DNAH10: variants seen among roughly 807,000 people sequenced by gnomAD.
DNAH10 encodes the protein dynein axonemal heavy chain 10, also known as axonemal beta dynein heavy chain 10.
In DNAH10, 348 loss-of-function variants were observed where a neutral mutation model predicts 506.6. The ratio of observed to expected loss-of-function variants is 0.69; its 90% CI spans 0.63 to 0.75. The LOEUF (loss-of-function observed/expected upper bound fraction) is 0.75. DNAH10 is among the 30% of genes least tolerant of loss of function. The pLI, the probability that DNAH10 is intolerant of heterozygous loss-of-function variation, is 0.00. For synonymous variants in DNAH10, 2,059 were observed against 2,198.6 expected (o/e 0.94, Z 1.78); for missense variants, 5,179 against 5,787.1 (o/e 0.89, Z 3.41).
chr12:123,783,346 C>T, intron 7 of DNAH10, 82 bp downstream of exon 7: 1 of 1,481,160 alleles, frequency 6.8e-7, no homozygotes, highest in South Asian at 1.2e-5. Context: ...CTGGGGTCTG[C>T]ATCATCTGGC....
chr12:123,782,092 T>C (rs954348657), intron 6 of DNAH10, among the ~76,000 whole-genome samples: 1 of 152,190 alleles, frequency 6.6e-6, no homozygotes, highest in African/African-American at 2.4e-5. Context: ...TTCTCTTGTA[T>C]TTTTCATCTT....
intron 43 of DNAH10, 27 bp from the exon 44 acceptor site, chr12:123,870,339 A>G (rs1325342233): frequency 6.2e-7 from 1 of 1,606,270 alleles, no homozygotes; most frequent in East Asian, 2.2e-5. Flanking sequence ...TTATGATTCA[A>G]GTGAAATCAA....
chr12:123,894,505 G>C, intron 53 of DNAH10, 138 bp from the exon 54 acceptor site: 1 of 675,276 alleles, frequency 1.5e-6, no homozygotes, highest in East Asian at 2.8e-5. Context: ...TGATCCACCC[G>C]CCTTGGCCTC....
chr12:123,778,132 G>A (rs1464582083), intron 5 of DNAH10, among the ~76,000 whole-genome samples: 5 of 151,920 alleles, frequency 3.3e-5, no homozygotes, highest in Non-Finnish European at 7.4e-5. Context: ...GAACCCAGGA[G>A]TTTAAGGTTG....
intron 2 of DNAH10, among the ~76,000 whole-genome samples, chr12:123,768,724 T>G (rs959050628): frequency 6.6e-6 from 1 of 152,186 alleles, no homozygotes; most frequent in Non-Finnish European, 1.5e-5. Flanking sequence ...TAGGAGAATC[T>G]TCAAGGCACA....
At chr12:123,770,971 A>ATTT (rs1957230174) in intron 2 of DNAH10, among the ~76,000 whole-genome samples, 3 of 117,884 alleles carry the variant, frequency 2.5e-5, no homozygotes, top group African/African-American at 3.4e-5. Context: ...GCTAGCTGTA[A>ATTT]TTCTTTTTTT....
chr12:123,934,830 T>G, intron 78 of DNAH10, 64 bp downstream of exon 78: 1 of 1,596,316 alleles, frequency 6.3e-7, no homozygotes, highest in Non-Finnish European at 8.5e-7. Context: ...TAGTTATGGC[T>G]GAGGTGGTTT....
chr12:123,928,051 A>G lies in DNAH10; in HGVS notation c.12106-336A>G, dbSNP rs1369906353. Reference sequence around the variant, plus strand: ...CAGTCCCGACTTCCTGGTGGGCTTTAGCTGGTCTCTTGCAGCCCTGCTCAG... The same window carrying G: ...CAGTCCCGACTTCCTGGTGGGCTTTGGCTGGTCTCTTGCAGCCCTGCTCAG... On this transcript the variant is annotated intron_variant, in intron 69 of 78. Coordinates refer to ENST00000673944, the MANE Select transcript of DNAH10 (RefSeq NM_001372106.1). The surrounding 1 kb of genome is among the most constrained non-coding windows in gnomAD (Gnocchi z 4.9). 6 of 396,162 alleles carry G rather than the reference A, an allele frequency of 1.5e-5. No individual in the cohort carries two copies. The highest frequency in any genetic ancestry group is 1.2e-4 in the African/African-American group (6 of 49,320). 24.5% of individuals were successfully genotyped at this position (396,162 alleles called of 1,614,324 possible). A position where few individuals can be genotyped will look rare whatever the true frequency, so the allele number is the denominator to read the frequency against.
intron 38 of DNAH10, among the ~76,000 whole-genome samples, chr12:123,860,031 A>C (rs888234181): frequency 7.3e-6 from 1 of 136,592 alleles, no homozygotes; most frequent in African/African-American, 2.7e-5. Flanking sequence ...CCTTCTCTCT[A>C]AAAAAAAAAA....
intron 36 of DNAH10, among the ~76,000 whole-genome samples, chr12:123,854,715 C>T (rs902830157): frequency 6.6e-6 from 1 of 152,226 alleles, no homozygotes; most frequent in Non-Finnish European, 1.5e-5. Context: ...ATTAACTTTG[C>T]TGTATTGTCT....
intron 45 of DNAH10, among the ~76,000 whole-genome samples, chr12:123,873,209 G>A (rs192461686): frequency 1.6e-3 from 238 of 152,330 alleles, no homozygotes; most frequent in Middle Eastern, 6.8e-3. Context: ...CATTACGATC[G>A]TCTTACAAGT....
rs1214217837 is a variant in DNAH10 at position 123,814,609 on chromosome 12, A to ATTTTTTTT, written c.3780+713_3780+720dup. Among the ~76,000 whole-genome samples the ATTTTTTTT allele has an allele frequency of 2.4e-3, 287 of 121,182 alleles. 7 individuals carry two copies. The highest frequency in any genetic ancestry group is 8.8e-3 in the African/African-American group (262 of 29,760). The allele number at this position is 121,182 out of a possible 152,430, so 79.5% of individuals were successfully genotyped here. A position where few individuals can be genotyped will look rare whatever the true frequency, so the allele number is the denominator to read the frequency against. ...TTGTATTTCTCCCTTGGCCAGGTAG[A>ATTTTTTTT]TTTTTTTTTTTTTTTTTTTTTTTGA... On this transcript the variant is annotated intron_variant, in intron 21 of 78. Coordinates refer to ENST00000673944, the MANE Select transcript of DNAH10 (RefSeq NM_001372106.1).
rs1399368915 is a variant in DNAH10, at chr12:123,928,531, C to G, written c.12250C>G (p.Leu4084Val). ...GCCCCACCCAGACTTCCGCCTGTGG[C>G]TCACCACGGACCCCACCAAGGGCTT... ...TKPHPDFRLW[L>V]TTDPTKGFPI... The change falls in exon 70 of 79, where the codon CTC becomes GTC. Residue 4084 changes from leucine (L) to valine (V), a missense_variant. By Grantham distance (32) the Leu-to-Val change is conservative. Coordinates refer to ENST00000673944, the MANE Select transcript of DNAH10 (RefSeq NM_001372106.1). The surrounding 1 kb of genome is among the most constrained non-coding windows in gnomAD (Gnocchi z 4.9). The G allele has an allele frequency of 1.9e-6, 3 of 1,611,098 alleles. No individual in the cohort carries two copies. In the African/African-American group the frequency reaches 4.0e-5, roughly 22 times the overall value.
Position 123,790,010 on chromosome 12 carries a change from CAGAGTGGACGGCCTAGTCACCCCCATGGA to C in DNAH10, c.1706_1734del (p.Arg569LysfsTer5), listed in dbSNP as rs754181692. Reference sequence around the variant, plus strand: ...CCAAGCGCATTGATGATGTCCTATGCAGAGTGGACGGCCTAGTCACCCCCATGGAAAACCTGACCTTTGACCCCTTCAGC... The same window carrying C: ...CCAAGCGCATTGATGATGTCCTATGCAAACCTGACCTTTGACCCCTTCAGC... On this transcript the variant is annotated frameshift_variant, in exon 11 of 79. Transcript: ENST00000673944. LOFTEE classifies it high-confidence loss of function. 1 of 1,614,172 alleles carries C rather than the reference CAGAGTGGACGGCCTAGTCACCCCCATGGA, an allele frequency of 6.2e-7. No homozygotes were observed. Among genetic ancestry groups the C allele is most frequent in the Non-Finnish European group, 8.5e-7 (1 of 1,180,020 alleles).
Position 123,902,810 on chromosome 12 carries a change from G to T in DNAH10, c.9641-129G>T. 2 of 1,211,186 alleles carry T rather than the reference G, an allele frequency of 1.7e-6. No individual in the cohort carries two copies. Among genetic ancestry groups the T allele is most frequent in the Non-Finnish European group, 1.1e-6 (1 of 890,196 alleles). 75.0% of individuals were successfully genotyped at this position (1,211,186 alleles called of 1,614,324 possible). Reference sequence around the variant, plus strand: ...CCAGGATCACTGAGGCTGCCACATTGGCCAGAGCCCCTTAGATCCCCGCTA... The same window carrying T: ...CCAGGATCACTGAGGCTGCCACATTTGCCAGAGCCCCTTAGATCCCCGCTA... On this transcript the variant is annotated intron_variant, in intron 56 of 78. Transcript: ENST00000673944. The surrounding 1 kb of genome is among the most constrained non-coding windows in gnomAD (Gnocchi z 4.5).
chr12:123,875,306 G>T lies in DNAH10; in HGVS notation c.8014G>T (p.Gly2672Trp). 2 of 1,613,560 alleles carry T rather than the reference G, an allele frequency of 1.2e-6. No homozygotes were observed. The highest frequency in any genetic ancestry group is 1.7e-6 in the Non-Finnish European group (2 of 1,179,686). The change falls in exon 47 of 79, where the codon GGG becomes TGG. Residue 2672 changes from glycine to tryptophan, a missense_variant. Around this residue, in one of 3 missense-constraint regions of DNAH10, gnomAD observed 4,844 missense variants for 5,430.5 expected, o/e 0.89. Transcript: ENST00000673944. ...GGAAAAAGGCTACTTATATGACCGT[G>T]GGAAGGAGCTGAACTGTAAAAGCAT... ...LLEKGYLYDR[G>W]KELNCKSIRD...
rs1308503502 is a variant in DNAH10, at chr12:123,928,295, T to G, written c.12106-92T>G. 16 of 1,390,648 alleles carry G rather than the reference T, an allele frequency of 1.2e-5. No individual in the cohort carries two copies. Among genetic ancestry groups the G allele is most frequent in the Non-Finnish European group, 1.5e-5 (15 of 1,029,794 alleles). The allele number at this position is 1,390,648 out of a possible 1,614,324, so 86.1% of individuals were successfully genotyped here. On this transcript the variant is annotated intron_variant, in intron 69 of 78. Transcript: ENST00000673944. This position sits in a 1 kb window ranked among gnomAD's most constrained non-coding sequence, Gnocchi z 4.9. ...CTTTTGGCTTCTGCTGGAGCTGCCA[T>G]CGCCCTTCTGTGGGTGTGGAGTGGG...
intron 56 of DNAH10, among the ~76,000 whole-genome samples, chr12:123,899,561 C>T (rs1953422856): frequency 6.6e-6 from 1 of 152,202 alleles, no homozygotes; most frequent in Admixed American, 6.5e-5. Context: ...CTGGCAACAG[C>T]ACCTTAACTT....
intron 51 of DNAH10, among the ~76,000 whole-genome samples, chr12:123,884,453 G>C (rs536914090): frequency 5.0e-4 from 76 of 152,332 alleles, no homozygotes; most frequent in African/African-American, 1.8e-3. Context: ...TGGAGGCTGG[G>C]AATTCCAAGA....
Sources: gnomAD v4.1 joint callset for allele counts (sites outside exome capture counted in the v4.1 genomes callset) on GRCh38, gnomAD v4.1.1 for gene constraint, gnomAD v4.1.1 regional missense constraint, Gnocchi (gnomAD v3.1) non-coding constraint, MANE v1.5 for transcripts, NCBI Gene and HGNC (gene_info 2026-07-23, HGNC 2026-07-21) for gene names.